The following CDH22 variants were observed in gnomAD, a reference collection of about 807,000 sequenced individuals.
CDH22 encodes the protein cadherin-22.
A neutral mutation model predicts 58.4 loss-of-function variants in CDH22; 30 were observed. The observed-to-expected ratio is 0.51, with a 90% CI of 0.38 to 0.70. The LOEUF is 0.70. Ranked by LOEUF, CDH22 falls within the 30% of genes least tolerant of loss-of-function variation. The pLI is 0.00. For synonymous variants in CDH22, 513 were observed against 558.2 expected, an observed-to-expected ratio of 0.92 and a Z score of 1.14; for missense variants, 1,014 against 1,233.9, an observed-to-expected ratio of 0.82 and a Z score of 2.67.
At chr20:46,195,540 A>T (rs1321002718) in intron 8 of CDH22, among the ~76,000 whole-genome samples, 3 of 151,010 alleles carry the variant, frequency 2.0e-5, no homozygotes, top group African/African-American at 7.3e-5. Flanking sequence ...GGGCTGGATG[A>T]CTCTTGAGAG....
intron 4 of CDH22, among the ~76,000 whole-genome samples, chr20:46,222,756 G>C (rs2086136030): frequency 6.6e-6 from 1 of 152,342 alleles, no homozygotes; most frequent in South Asian, 2.1e-4. Context: ...TCGCCCCTGT[G>C]GGGGGCCTGC....
intron 1 of CDH22, among the ~76,000 whole-genome samples, chr20:46,297,119 C>G (rs1420335015): frequency 6.6e-6 from 1 of 152,268 alleles, no homozygotes; most frequent in East Asian, 1.9e-4. Flanking sequence ...GATTGTGCCC[C>G]GCGGACATCA....
At chr20:46,302,371 T>G (rs2086656110) in intron 1 of CDH22, among the ~76,000 whole-genome samples, 1 of 151,910 alleles carries the variant, frequency 6.6e-6, no homozygotes. Context: ...TACGCAGTAG[T>G]GACAGCCAAA....
chr20:46,210,436 G>C lies in CDH22; in HGVS notation c.1157C>G (p.Thr386Ser), dbSNP rs2086033750. The C allele has an allele frequency of 6.9e-7, 1 of 1,452,682 alleles. No homozygotes were observed. The highest frequency in any genetic ancestry group is 9.1e-7 in the Non-Finnish European group (1 of 1,102,222). The allele number at this position is 1,452,682 out of a possible 1,614,324, so 90.0% of individuals were successfully genotyped here. Reference sequence around the variant, plus strand: ...GAACTCGGGGGGCTCGTCCACGTCGGTCACGGCCACGCGCACGATCGCCTG... The same window carrying C: ...GAACTCGGGGGGCTCGTCCACGTCGCTCACGGCCACGCGCACGATCGCCTG... ...RDQAIVRVAV[T>S]DVDEPPEFRP... Residue 386 changes from threonine to serine, a missense_variant, in exon 7 of 12, where the codon ACC (threonine) becomes AGC (serine). By Grantham distance (58) the Thr-to-Ser change is moderately conservative (BLOSUM62 1). Around this residue, in one of 2 missense-constraint regions of CDH22, gnomAD observed 806 missense variants for 1,038.7 expected, o/e 0.78. Coordinates refer to ENST00000537909, the MANE Select transcript of CDH22 (RefSeq NM_021248.3). This position sits in a 1 kb window ranked among gnomAD's most constrained non-coding sequence, Gnocchi z 4.5.
intron 4 of CDH22, among the ~76,000 whole-genome samples, chr20:46,225,200 C>A (rs767589880): frequency 6.6e-6 from 1 of 152,224 alleles, no homozygotes; most frequent in Non-Finnish European, 1.5e-5. Flanking sequence ...TTTGACCAAG[C>A]TTCTCCACTT....
At position 46,237,965 on chromosome 20, in the gene CDH22, G is replaced by C. The variant is rs1206307974; in HGVS notation, c.550+2998C>G. Among the ~76,000 whole-genome samples the C allele has an allele frequency of 2.0e-5, 3 of 152,138 alleles. No individual in the cohort carries two copies. In the East Asian group the frequency reaches 5.8e-4, roughly 29 times the overall value. Reference sequence around the variant, plus strand: ...CAATGGGGATGCTACCATTAGTCCTGCCACCTCTCAGAGTCACAGTGAGAG... The same window carrying C: ...CAATGGGGATGCTACCATTAGTCCTCCCACCTCTCAGAGTCACAGTGAGAG... On this transcript the variant is annotated intron_variant, in intron 3 of 11. Transcript: ENST00000537909.
chr20:46,185,709 A>G (rs1231597099), intron 10 of CDH22, among the ~76,000 whole-genome samples: 1 of 151,990 alleles, frequency 6.6e-6, no homozygotes. Flanking sequence ...TTCTACAAAA[A>G]ATAAAACAAT....
chr20:46,303,787 T>G (rs1038267415), intron 1 of CDH22, among the ~76,000 whole-genome samples: 4 of 152,106 alleles, frequency 2.6e-5, no homozygotes, highest in African/African-American at 9.7e-5. Flanking sequence ...TTGAATGTCA[T>G]AGTGCCGAGT....
chr20:46,307,431 G>A (rs1184128312), intron 1 of CDH22, among the ~76,000 whole-genome samples: 2 of 152,202 alleles, frequency 1.3e-5, no homozygotes, highest in Non-Finnish European at 2.9e-5. Flanking sequence ...AAACGCCGCG[G>A]CCCCCGAGGG....
At chr20:46,235,773 A>G (rs1438332103) in intron 3 of CDH22, among the ~76,000 whole-genome samples, 1 of 152,124 alleles carries the variant, frequency 6.6e-6, no homozygotes, top group East Asian at 1.9e-4. Context: ...CCAAGTCACC[A>G]TCACCTCTTG....
intron 4 of CDH22, among the ~76,000 whole-genome samples, chr20:46,223,697 C>CTTTT (rs1435041538): frequency 3.0e-5 from 2 of 67,044 alleles, no homozygotes; most frequent in East Asian, 3.3e-4. Flanking sequence ...TTCTTTCTTT[C>CTTTT]TTTCTTTCTT....
chr20:46,292,733 C>A (rs73301976), intron 1 of CDH22, among the ~76,000 whole-genome samples: 1 of 152,140 alleles, frequency 6.6e-6, no homozygotes, highest in Non-Finnish European at 1.5e-5. Context: ...TTCTTCCCTG[C>A]GTTGGTTCAT....
chr20:46,214,718 G>C (rs2086070568), intron 5 of CDH22, among the ~76,000 whole-genome samples: 1 of 152,144 alleles, frequency 6.6e-6, no homozygotes, highest in Non-Finnish European at 1.5e-5. Context: ...CTGCCTTCTA[G>C]TCTCACTGAA....
chr20:46,227,476 GGCTC>G, intron 4 of CDH22, 28 bp downstream of exon 4: 2 of 479,390 alleles, frequency 4.2e-6, no homozygotes, highest in Non-Finnish European at 7.6e-6. Context: ...CCCGCCCCAC[GGCTC>G]CGCCTCTGGC....
At chr20:46,219,691 A>C (rs1331488107) in intron 4 of CDH22, 2 of 152,146 alleles carry the variant, frequency 1.3e-5, no homozygotes, top group East Asian at 3.8e-4. Flanking sequence ...AAAACAACTA[A>C]TGTTTATGTG....
chr20:46,301,504 A>AAAT lies in CDH22; in HGVS notation c.-400+6750_-400+6751insATT, dbSNP rs1555808588. On this transcript the variant is annotated intron_variant, in intron 1 of 11. Transcript: ENST00000537909. ...TTATCTGTAACTTGCCTATTAAAAAAATATATATATATATGTATATATATG... is the reference window on the plus strand; with the variant it reads ...TTATCTGTAACTTGCCTATTAAAAAAAATATATATATATATATGTATATATATG... 5.2e-4 allele frequency among the ~76,000 whole-genome samples: 78 copies of AAAT among 150,022 alleles called. 1 individual carries two copies. The highest frequency in any genetic ancestry group is 1.8e-3 in the African/African-American group (72 of 40,788).
At chr20:46,194,113 C>T (rs1002718233) in intron 8 of CDH22, among the ~76,000 whole-genome samples, 7 of 152,154 alleles carry the variant, frequency 4.6e-5, no homozygotes, top group African/African-American at 1.4e-4. Context: ...CCTCAGGAAT[C>T]GCCGCGACCC....
chr20:46,305,090 A>C (rs1158902215), intron 1 of CDH22, among the ~76,000 whole-genome samples: 2 of 152,200 alleles, frequency 1.3e-5, no homozygotes, highest in Non-Finnish European at 2.9e-5. Context: ...GTTTCCAAGC[A>C]GCCACTGTGT....
chr20:46,217,188 G>A (rs1344572640), intron 4 of CDH22, among the ~76,000 whole-genome samples, 195 bp from the exon 5 acceptor site: 7 of 151,882 alleles, frequency 4.6e-5, no homozygotes, highest in East Asian at 1.9e-4. Flanking sequence ...ACTCACACAC[G>A]CTCATACAGA....
Sources: allele counts gnomAD v4.1 joint callset (sites outside exome capture counted in the v4.1 genomes callset), GRCh38; gene constraint gnomAD v4.1.1; regional missense constraint gnomAD v4.1.1; non-coding constraint Gnocchi (gnomAD v3.1); transcripts MANE v1.5; gene names NCBI Gene and HGNC (gene_info 2026-07-23, HGNC 2026-07-21).